ERC1: variants seen among roughly 807,000 people sequenced by gnomAD.
ERC1 encodes the protein ELKS/RAB6-interacting/CAST family member 1, also known as RAB6 interacting protein 2.
ERC1 carries 56 observed loss-of-function variants against 132.0 expected under a neutral mutation model. The ratio of observed to expected loss-of-function variants is 0.42; its 90% CI spans 0.34 to 0.53. The LOEUF (loss-of-function observed/expected upper bound fraction) is 0.53, where lower values mean the gene tolerates loss of function less well. ERC1 is among the 20% of genes least tolerant of loss of function. The pLI is 0.03. For missense variants in ERC1, 1,202 were observed against 1,349.9 expected (o/e 0.89, Z 1.72); for synonymous variants, 478 against 476.1 (o/e 1.00, Z -0.05).
At chr12:1,104,249 G>A (rs1387388968) in intron 3 of ERC1, among the ~76,000 whole-genome samples, 1 of 152,082 alleles carries the variant, frequency 6.6e-6, no homozygotes, top group Non-Finnish European at 1.5e-5. Flanking sequence ...GAGCTTCATC[G>A]TAGGTAACCA....
intron 13 of ERC1, among the ~76,000 whole-genome samples, chr12:1,259,580 A>G (rs535863828): frequency 1.5e-5 from 2 of 137,194 alleles, no homozygotes; most frequent in African/African-American, 2.8e-5. Flanking sequence ...CTGGAGTGCA[A>G]TGGCATGATC....
intron 2 of ERC1, among the ~76,000 whole-genome samples, chr12:1,066,080 A>ACT (rs1407398438): frequency 1.3e-5 from 2 of 152,214 alleles, no homozygotes; most frequent in African/African-American, 4.8e-5. Flanking sequence ...ATATTATGGA[A>ACT]CTAGGTAGAG....
chr12:1,315,928 G>C (rs2081669443), intron 15 of ERC1, among the ~76,000 whole-genome samples: 1 of 151,448 alleles, frequency 6.6e-6, no homozygotes, highest in African/African-American at 2.4e-5. Context: ...GTCTCACTCT[G>C]TCGCCCAGGC....
Position 1,211,885 on chromosome 12 carries a change from C to A in ERC1, c.2351+21833C>A, listed in dbSNP as rs78051722. On this transcript the variant is annotated intron_variant, in intron 12 of 18. Transcript: ENST00000360905. ...GTGTCCGGCCATAATCAGTTCTATA[C>A]AATGTGTTGTGAGAGGAAAATTCAC... Among the ~76,000 whole-genome samples the A allele has an allele frequency of 9.4e-3, 1,429 of 152,144 alleles. 14 individuals are homozygous for A. The highest frequency in any genetic ancestry group is 0.016 in the Non-Finnish European group (1,087 of 67,978).
At chr12:1,193,458 A>G (rs1410802799) in intron 12 of ERC1, among the ~76,000 whole-genome samples, 1 of 151,826 alleles carries the variant, frequency 6.6e-6, no homozygotes, top group Non-Finnish European at 1.5e-5. Context: ...ACACACACAT[A>G]GAGATAGATA....
rs1453383373 is a variant in ERC1 at position 1,334,853 on chromosome 12, A to G, written c.2781-36980A>G. On this transcript the variant is annotated intron_variant, in intron 15 of 18. Coordinates refer to ENST00000360905, the MANE Select transcript of ERC1 (RefSeq NM_178040.4). Reference sequence around the variant, plus strand: ...CCATTAAACGATATTGATTCTTCCTATCCATGAGCATGGAATGTTTTTCCA... The same window carrying G: ...CCATTAAACGATATTGATTCTTCCTGTCCATGAGCATGGAATGTTTTTCCA... Among the ~76,000 whole-genome samples the G allele has an allele frequency of 2.6e-5, 4 of 152,308 alleles. No homozygotes were observed. The East Asian group carries it at 7.7e-4, about 29-fold the overall frequency.
intron 16 of ERC1, among the ~76,000 whole-genome samples, chr12:1,383,670 A>G (rs1358795207): frequency 6.6e-6 from 1 of 152,202 alleles, no homozygotes; most frequent in Non-Finnish European, 1.5e-5. Context: ...ATTAAATGAT[A>G]TTTGCATTCA....
chr12:1,140,869 T>C (rs1244484510), intron 7 of ERC1, among the ~76,000 whole-genome samples: 1 of 152,144 alleles, frequency 6.6e-6, no homozygotes, highest in East Asian at 1.9e-4. Context: ...TTATATGGGT[T>C]ATATGTTTGA....
rs183005920 is a variant in ERC1 at position 1,268,074 on chromosome 12, C to T, written c.2619+4909C>T. ...TATGCAACAGTTATCACCAGAATAC[C>T]CAAGTTCATTTTCAGAATGAACAGT... On this transcript the variant is annotated intron_variant, in intron 14 of 18. Transcript: ENST00000360905. 3.3e-5 allele frequency among the ~76,000 whole-genome samples: 5 copies of T among 152,132 alleles called. No homozygotes were observed. The East Asian group carries it at 9.6e-4, about 29-fold the overall frequency.
rs139136312 is a variant in ERC1 at position 1,365,639 on chromosome 12, G to A, written c.2781-6194G>A. On this transcript the variant is annotated intron_variant, in intron 15 of 18. Coordinates refer to ENST00000360905, the MANE Select transcript of ERC1 (RefSeq NM_178040.4). The stretch of plus-strand genomic sequence containing the variant: ...GCGTATTGAGTATAGAGTATATAGA[G>A]TAACTGCAGCCCTAAATAAAATAAA... Among the ~76,000 whole-genome samples the A allele has an allele frequency of 4.3e-3, 659 of 152,260 alleles. 10 individuals carry two copies. Among genetic ancestry groups the A allele is most frequent in the African/African-American group, 0.015 (628 of 41,572 alleles).
intron 3 of ERC1, among the ~76,000 whole-genome samples, chr12:1,099,515 C>T (rs572566946): frequency 4.6e-5 from 7 of 152,218 alleles, no homozygotes; most frequent in Non-Finnish European, 8.8e-5. Context: ...ACGTCAGGAT[C>T]TCCTAATTAC....
At chr12:1,219,635 C>CTTTTTT (rs775838825) in intron 12 of ERC1, among the ~76,000 whole-genome samples, 29,376 of 140,136 alleles carry the variant, frequency 0.21, 3,676 homozygotes, top group Non-Finnish European at 0.28. Flanking sequence ...ACTGAACTCT[C>CTTTTTT]TTTTTTTTTT....
chr12:998,670 G>A (rs1961467607), intron 1 of ERC1, among the ~76,000 whole-genome samples: 1 of 152,086 alleles, frequency 6.6e-6, no homozygotes, highest in Non-Finnish European at 1.5e-5. Context: ...CTCAAGGCAG[G>A]ATTTCACAAT....
At chr12:1,411,540 A>C (rs1276327262) in intron 17 of ERC1, among the ~76,000 whole-genome samples, 1 of 152,154 alleles carries the variant, frequency 6.6e-6, no homozygotes. Flanking sequence ...AATGAAGTTG[A>C]AACGCACTGG....
At chr12:1,115,707 G>C (rs1208593555) in intron 6 of ERC1, 159 bp from the exon 7 acceptor site, 2 of 558,124 alleles carry the variant, frequency 3.6e-6, no homozygotes, top group African/African-American at 3.8e-5. Flanking sequence ...CAGGGTTGGG[G>C]AGATCCAAGG....
chr12:1,404,620 G>C (rs1053104051), intron 16 of ERC1, among the ~76,000 whole-genome samples: 1 of 152,160 alleles, frequency 6.6e-6, no homozygotes, highest in South Asian at 2.1e-4. Flanking sequence ...TACAAACTTT[G>C]GCCATAGAAC....
intron 2 of ERC1, among the ~76,000 whole-genome samples, chr12:1,041,864 C>T (rs1970265460): frequency 6.6e-6 from 1 of 152,096 alleles, no homozygotes; most frequent in African/African-American, 2.4e-5. Flanking sequence ...TTAAGGAAGC[C>T]CTTATATTGT....
chr12:1,265,737 C>T (rs559479367), intron 14 of ERC1, among the ~76,000 whole-genome samples: 1 of 152,306 alleles, frequency 6.6e-6, no homozygotes, highest in South Asian at 2.1e-4. Flanking sequence ...TTCCCCGTCT[C>T]CCCAGTCCGT....
intron 8 of ERC1, among the ~76,000 whole-genome samples, chr12:1,168,954 A>C (rs962081734): frequency 4.6e-5 from 7 of 152,140 alleles, no homozygotes; most frequent in Non-Finnish European, 2.9e-5. Context: ...TACACCTTAA[A>C]GTTTATCCAT....
Sources: gnomAD v4.1 joint callset for allele counts (sites outside exome capture counted in the v4.1 genomes callset) on GRCh38, gnomAD v4.1.1 for gene constraint, MANE v1.5 for transcripts, NCBI Gene and HGNC (gene_info 2026-07-23, HGNC 2026-07-21) for gene names.